Variants in EIF4E3 observed in about 807,000 individuals in gnomAD.
EIF4E3 encodes eukaryotic translation initiation factor 4E family member 3.
In EIF4E3, 26 loss-of-function variants were observed where a neutral mutation model predicts 31.7. The ratio of observed to expected loss-of-function variants is 0.82; its 90% CI spans 0.60 to 1.14. EIF4E3 has a LOEUF of 1.14. EIF4E3 is among the 50% of genes most tolerant of loss of function. The pLI is 0.00. For missense variants in EIF4E3, 304 were observed against 270.9 expected (o/e 1.12, Z -0.86); for synonymous variants, 128 against 107.7 (o/e 1.19, Z -1.17).
Position 71,693,921 on chromosome 3 carries a change from C to T in EIF4E3, c.426G>A (p.Leu142=), listed in dbSNP as rs1001950395. The part of the protein sequence containing the change: ...KDSTSTVWKE[L]LLATIGEQFT... Reference sequence around the variant, plus strand: ...ACTGTTCCCCGATGGTTGCTAACAGCAACTCTTTCCAAACTGTGGACTGAT... The same window carrying T: ...ACTGTTCCCCGATGGTTGCTAACAGTAACTCTTTCCAAACTGTGGACTGAT... The change falls in exon 5 of 7, where the codon TTG becomes TTA. Residue 142 remains leucine, a synonymous_variant. Coordinates refer to ENST00000425534, the MANE Select transcript of EIF4E3 (RefSeq NM_001134651.2). 7 of 1,584,292 alleles carry T rather than the reference C, an allele frequency of 4.4e-6. No individual in the cohort carries two copies. The highest frequency in any genetic ancestry group is 1.3e-5 in the African/African-American group (1 of 74,436).
Position 71,684,588 on chromosome 3 carries a change from T to A in EIF4E3, c.*94A>T. ...GAAACCCACTCTAAATTGACCAGCATCGGCTTCGGCAAGTCTTCTCTTCAC... is the reference window on the plus strand; with the variant it reads ...GAAACCCACTCTAAATTGACCAGCAACGGCTTCGGCAAGTCTTCTCTTCAC... On this transcript the variant is annotated 3_prime_UTR_variant, in exon 7 of 7. Coordinates refer to ENST00000425534, the MANE Select transcript of EIF4E3 (RefSeq NM_001134651.2). The A allele has an allele frequency of 2.0e-6, 3 of 1,490,168 alleles. No individual in the cohort carries two copies. The highest frequency in any genetic ancestry group is 1.7e-5 in the Admixed American group (1 of 57,152). The allele number at this position is 1,490,168 out of a possible 1,614,324, so 92.3% of individuals were successfully genotyped here.
At chr3:71,714,253 GGAAGGAAGGAAGGAAGGAAA>G (rs778394684) in intron 1 of EIF4E3, among the ~76,000 whole-genome samples, 4,192 of 119,262 alleles carry the variant, frequency 0.035, 85 homozygotes, top group South Asian at 0.046. Flanking sequence ...AAGGAAGGAA[GGAAGGAAGGAAGGAAGGAAA>G]GAAGGAAGGA....
intron 1 of EIF4E3, among the ~76,000 whole-genome samples, chr3:71,738,022 AATAAAC>A (rs960234531): frequency 8.5e-5 from 13 of 152,308 alleles, no homozygotes; most frequent in African/African-American, 3.1e-4. Context: ...CATTATATAA[AATAAAC>A]ATAAGAAGAC....
upstream of EIF4E3, chr3:71,754,445 G>C (rs1334502270): frequency 8.2e-6 from 11 of 1,342,150 alleles, no homozygotes; most frequent in Non-Finnish European, 1.1e-5. This position sits in a 1 kb window ranked among gnomAD's most constrained non-coding sequence, Gnocchi z 5.8. Flanking sequence ...TCTATGCAGA[G>C]CGCCTGGCCG....
In EIF4E3 at chr3:71,748,785, G is replaced by A. The variant is rs117183794; in HGVS notation, c.-291+4678C>T. 6.3e-4 allele frequency among the ~76,000 whole-genome samples: 96 copies of A among 152,166 alleles called. No homozygotes were observed. The East Asian group carries it at 0.014, about 22-fold the overall frequency. On this transcript the variant is annotated intron_variant, in intron 1 of 7. Transcript: ENST00000295612. Reference sequence around the variant, plus strand: ...TGCCTGAAATTACAGTATATTCTGAGAAAGCAAGGACCCATGATGAAACCC... The same window carrying A: ...TGCCTGAAATTACAGTATATTCTGAAAAAGCAAGGACCCATGATGAAACCC...
At chr3:71,663,018 C>A in the EIF4E3 span, among the ~76,000 whole-genome samples, 1 of 152,082 alleles carries the variant, frequency 6.6e-6, no homozygotes. Flanking sequence ...AGCAAGGAAG[C>A]GTTTCTTGGG....
intron 1 of EIF4E3, among the ~76,000 whole-genome samples, chr3:71,733,201 T>C (rs957685829): frequency 1.3e-5 from 2 of 152,158 alleles, no homozygotes; most frequent in African/African-American, 4.8e-5. Context: ...ACCCGAACGG[T>C]AGATACACAA....
rs2048924115 is a variant in EIF4E3, at chr3:71,681,589, C to T, written c.*3093G>A. 6.6e-6 allele frequency: 1 copy of T among 152,142 alleles called. No homozygotes were observed. Among genetic ancestry groups the T allele is most frequent in the Admixed American group, 6.6e-5 (1 of 15,266 alleles). 9.4% of individuals were successfully genotyped at this position (152,142 alleles called of 1,614,324 possible). ...ATGCTTGATTAGGGTGGCTAGTGGG[C>T]AGGTTAAGGCTGGCAGATTCTGAGT... On this transcript the variant is annotated 3_prime_UTR_variant, in exon 7 of 7. Coordinates refer to ENST00000425534, the MANE Select transcript of EIF4E3 (RefSeq NM_001134651.2).
chr3:71,698,794 T>A (rs1280423133), intron 3 of EIF4E3, among the ~76,000 whole-genome samples: 1 of 152,206 alleles, frequency 6.6e-6, no homozygotes, highest in Non-Finnish European at 1.5e-5. Context: ...TAAACCAATG[T>A]AGAATGAAGC....
At chr3:71,724,343 A>C (rs980122235) in intron 1 of EIF4E3, among the ~76,000 whole-genome samples, 2 of 152,172 alleles carry the variant, frequency 1.3e-5, no homozygotes, top group Non-Finnish European at 2.9e-5. Context: ...AACTGAGGGG[A>C]GGTGTTGAGG....
intron 2 of EIF4E3, among the ~76,000 whole-genome samples, chr3:71,708,844 T>C (rs568441915): frequency 2.0e-5 from 3 of 152,304 alleles, no homozygotes; most frequent in South Asian, 4.2e-4. Context: ...TTGATTTCTC[T>C]GGACAGTGGT....
intron 2 of EIF4E3, among the ~76,000 whole-genome samples, chr3:71,707,458 T>TCTAACTTTCACTC (rs1316808113): frequency 2.0e-5 from 3 of 152,176 alleles, no homozygotes; most frequent in Non-Finnish European, 4.4e-5. Flanking sequence ...CTAAGAACTA[T>TCTAACTTTCACTC]ATACCATCTC....
chr3:71,748,361 G>A (rs1232144791), intron 1 of EIF4E3, among the ~76,000 whole-genome samples: 1 of 152,116 alleles, frequency 6.6e-6, no homozygotes, highest in East Asian at 1.9e-4. Context: ...GGAGGCCCTG[G>A]AACGAATTCC....
intron 1 of EIF4E3, among the ~76,000 whole-genome samples, chr3:71,745,521 A>G (rs1443495789): frequency 6.6e-6 from 1 of 152,212 alleles, no homozygotes; most frequent in Non-Finnish European, 1.5e-5. Flanking sequence ...GTAATTCTCT[A>G]GAGTAGAAAG....
chr3:71,738,695 A>G (rs1479082190), intron 1 of EIF4E3, among the ~76,000 whole-genome samples: 1 of 152,138 alleles, frequency 6.6e-6, no homozygotes, highest in Non-Finnish European at 1.5e-5. Flanking sequence ...GATAGGCAAT[A>G]GAAAATTATA....
chr3:71,748,334 T>C (rs2108162478), intron 1 of EIF4E3, among the ~76,000 whole-genome samples: 1 of 152,300 alleles, frequency 6.6e-6, no homozygotes, highest in South Asian at 2.1e-4. Context: ...TCAGTATGCA[T>C]GGATTTGGGT....
At chr3:71,734,262 T>C (rs2049738613) in intron 1 of EIF4E3, among the ~76,000 whole-genome samples, 1 of 152,204 alleles carries the variant, frequency 6.6e-6, no homozygotes, top group Non-Finnish European at 1.5e-5. Flanking sequence ...ATGATGAACA[T>C]GGTATCCCTC....
intron 1 of EIF4E3, among the ~76,000 whole-genome samples, chr3:71,741,084 G>A (rs1231002441): frequency 1.3e-5 from 2 of 152,086 alleles, no homozygotes; most frequent in African/African-American, 2.4e-5. Context: ...TGCAGTGGAT[G>A]TGACTGCACC....
chr3:71,707,713 T>A (rs1192724723), intron 2 of EIF4E3, among the ~76,000 whole-genome samples: 1 of 152,078 alleles, frequency 6.6e-6, no homozygotes, highest in Non-Finnish European at 1.5e-5. Flanking sequence ...TGGACATCTA[T>A]GCTTTGTACG....
Sources: allele counts gnomAD v4.1 joint callset (sites outside exome capture counted in the v4.1 genomes callset), GRCh38; gene constraint gnomAD v4.1.1; non-coding constraint Gnocchi (gnomAD v3.1); transcripts MANE v1.5; gene names NCBI Gene and HGNC (gene_info 2026-07-23, HGNC 2026-07-21).